PPP2R3B: variants seen among roughly 807,000 people sequenced by gnomAD.
PPP2R3B encodes protein phosphatase 2 regulatory subunit B''beta.
Under a neutral mutation model 72.9 loss-of-function variants are expected in PPP2R3B, and 68 were observed. The observed-to-expected ratio is 0.93, with a 90% confidence interval of 0.77 to 1.14. The LOEUF (loss-of-function observed/expected upper bound fraction) is 1.14, where lower values mean the gene tolerates loss of function less well. PPP2R3B is among the 50% of genes most tolerant of loss of function. The probability of loss-of-function intolerance (pLI) is 0.00; values close to 1 mark genes in which losing one functional copy is unlikely to be tolerated. For missense variants in PPP2R3B, 1,018 were observed against 842.0 expected (o/e 1.21, Z -2.59); for synonymous variants, 466 against 375.8 (o/e 1.24, Z -2.78).
In PPP2R3B at chrX:353,980, AAG is replaced by A. The variant is rs2071385662; in HGVS notation, c.511-6289_511-6288del. 2.7e-5 allele frequency among the ~76,000 whole-genome samples: 4 copies of A among 146,870 alleles called. No homozygotes were observed. In the South Asian group the frequency reaches 8.7e-4, roughly 32 times the overall value. ...TCACCCAAAGACCAGGGCTCACCCA[AAG>A]ACCAGGGCTCATCCAAAGACCGGGG... On this transcript the variant is annotated intron_variant, in intron 2 of 12. Coordinates refer to ENST00000390665, the MANE Select transcript of PPP2R3B (RefSeq NM_013239.5).
chrX:370,520 G>A (rs749752555), intron 1 of PPP2R3B, among the ~76,000 whole-genome samples: 14 of 152,296 alleles, frequency 9.2e-5, no homozygotes, highest in East Asian at 7.8e-4. Flanking sequence ...GCAACACAGC[G>A]AGGGGAGGAT....
intron 1 of PPP2R3B, among the ~76,000 whole-genome samples, chrX:371,379 C>T (rs901056164): frequency 9.9e-5 from 15 of 152,144 alleles, no homozygotes; most frequent in African/African-American, 1.7e-4. Context: ...GGTCGCTGAA[C>T]GCCCCCACCC....
rs186086855 is a variant in PPP2R3B at position 338,993 on chromosome X, C to T, written c.1352-97G>A. 5.2e-4 allele frequency: 518 copies of T among 994,110 alleles called. 4 individuals are homozygous for T. In the African/African-American group the frequency reaches 7.5e-3, roughly 14 times the overall value. The allele number at this position is 994,110 out of a possible 1,614,324, so 61.6% of individuals were successfully genotyped here. A position where few individuals can be genotyped will look rare whatever the true frequency, so the allele number is the denominator to read the frequency against. Reference sequence around the variant, plus strand: ...GCGTCCTGTCACACGTGCTTAAGGACGCGGCACGAAGCTCCGGGCTCTCAC... The same window carrying T: ...GCGTCCTGTCACACGTGCTTAAGGATGCGGCACGAAGCTCCGGGCTCTCAC... On this transcript the variant is annotated intron_variant, in intron 10 of 12. Transcript: ENST00000390665.
chrX:338,955 G>A (rs1280966739), intron 10 of PPP2R3B, 59 bp from the exon 11 acceptor site: 3 of 1,417,486 alleles, frequency 2.1e-6, no homozygotes, highest in Non-Finnish European at 3.0e-6. Flanking sequence ...CGGGGCCTGG[G>A]TGTGGGGTGC....
At position 366,729 on chromosome X, in the gene PPP2R3B, GGCGC is replaced by G. The variant is rs2071717590; in HGVS notation, c.325-5143_325-5140del. Among the ~76,000 whole-genome samples the G allele has an allele frequency of 3.0e-5, 3 of 98,754 alleles. 1 individual carries two copies. Among genetic ancestry groups the G allele is most frequent in the East Asian group, 5.1e-4 (2 of 3,916 alleles). The allele number at this position is 98,754 out of a possible 152,430, so 64.8% of individuals were successfully genotyped here. On this transcript the variant is annotated intron_variant, in intron 1 of 12. Coordinates refer to ENST00000390665, the MANE Select transcript of PPP2R3B (RefSeq NM_013239.5). ...AAACAAACGATTAACCAGGTGTGGT[GGCGC>G]ATGCCTGTAATCCCAGCTACTTGAG...
At position 338,714 on chromosome X, in the gene PPP2R3B, G is replaced by A. The variant is rs371645898; in HGVS notation, c.1471-4C>T. 1.9e-6 allele frequency: 3 copies of A among 1,611,766 alleles called. No individual in the cohort carries two copies. The highest frequency in any genetic ancestry group is 1.3e-5 in the African/African-American group (1 of 75,010). The stretch of plus-strand genomic sequence containing the variant: ...CGGGGCCGCCGCTGTCACCGTCCTG[G>A]AGGAAGCACACGGGTTACGTACACG... On this transcript the variant is annotated splice_polypyrimidine_tract_variant and splice_region_variant and intron_variant, in intron 11 of 12. Coordinates refer to ENST00000390665, the MANE Select transcript of PPP2R3B (RefSeq NM_013239.5).
At chrX:353,925 G>C (rs968731457) in intron 2 of PPP2R3B, among the ~76,000 whole-genome samples, 5 of 138,280 alleles carry the variant, frequency 3.6e-5, no homozygotes, top group African/African-American at 5.5e-5. Flanking sequence ...GCTCGCCCAG[G>C]GACCGGGGGC....
intron 1 of PPP2R3B, among the ~76,000 whole-genome samples, chrX:364,200 A>G (rs2071631895): frequency 6.6e-6 from 1 of 152,250 alleles, no homozygotes; most frequent in African/African-American, 2.4e-5. Context: ...TTCAGTGGGA[A>G]GAATGAGCTC....
chrX:368,783 C>T (rs867568324), intron 1 of PPP2R3B, among the ~76,000 whole-genome samples: 1 of 22,418 alleles, frequency 4.5e-5, no homozygotes, highest in African/African-American at 2.2e-4. Flanking sequence ...GGCACCGACA[C>T]GGGGAAGGCC....
At chrX:373,697 GCCGCGCTCTCGGGGCAGGGC>G in intron 1 of PPP2R3B, 1 of 162,650 alleles carries the variant, frequency 6.1e-6, no homozygotes, top group South Asian at 1.6e-4. Flanking sequence ...CGGGCCGGGC[GCCGCGCTCTCGGGGCAGGGC>G]CGGGCCGGGG....
At chrX:350,522 G>C (rs1161280267) in intron 2 of PPP2R3B, among the ~76,000 whole-genome samples, 1 of 150,624 alleles carries the variant, frequency 6.6e-6, no homozygotes, top group African/African-American at 2.5e-5. Flanking sequence ...GCATCAGTGA[G>C]AAAGAGGCCC....
At chrX:378,775 A>G (rs1289400154) in intron 1 of PPP2R3B, among the ~76,000 whole-genome samples, 5 of 152,044 alleles carry the variant, frequency 3.3e-5, no homozygotes, top group Non-Finnish European at 7.4e-5. Flanking sequence ...CTTCCTCCTC[A>G]CAACGAGACT....
chrX:370,605 C>T (rs894927299), intron 1 of PPP2R3B, among the ~76,000 whole-genome samples: 3 of 152,198 alleles, frequency 2.0e-5, no homozygotes, highest in Admixed American at 1.3e-4. Flanking sequence ...CGTTCCCACC[C>T]GGGCTTCTGT....
chrX:349,026 T>C (rs1250746287), intron 2 of PPP2R3B, among the ~76,000 whole-genome samples: 1 of 151,530 alleles, frequency 6.6e-6, no homozygotes, highest in Non-Finnish European at 1.5e-5. Context: ...TCGGCAATAA[T>C]AGAACAGGAA....
chrX:334,856 C>T, intron 12 of PPP2R3B: 1 of 282,776 alleles, frequency 3.5e-6, no homozygotes, highest in Non-Finnish European at 6.6e-6. Context: ...GGTGTCCACA[C>T]AGGACTGGAG....
intron 12 of PPP2R3B, chrX:337,286 T>C (rs899900898): frequency 3.3e-5 from 5 of 152,186 alleles, no homozygotes; most frequent in African/African-American, 1.2e-4. Context: ...TTCACCATGT[T>C]GGCCAGGATG....
At chrX:348,071 C>T (rs888994442) in intron 2 of PPP2R3B, among the ~76,000 whole-genome samples, 2 of 152,134 alleles carry the variant, frequency 1.3e-5, no homozygotes, top group African/African-American at 2.4e-5. Flanking sequence ...ACAGAAACAT[C>T]TCATGGAATG....
At chrX:370,873 G>A (rs1006702254) in intron 1 of PPP2R3B, among the ~76,000 whole-genome samples, 21 of 152,228 alleles carry the variant, frequency 1.4e-4, no homozygotes, top group Middle Eastern at 3.2e-3. Context: ...GGGCTGCCGC[G>A]TAGGGGACGG....
At chrX:381,593 CTTTTTTTTTTTTTTTTTT>C (rs950950107) in intron 1 of PPP2R3B, among the ~76,000 whole-genome samples, 1 of 95,058 alleles carries the variant, frequency 1.1e-5, no homozygotes, top group Non-Finnish European at 2.0e-5. Flanking sequence ...ACAAGCTCAT[CTTTTTTTTTTTTTTTTTT>C]TTTTTGAGAC....
Sources: allele counts gnomAD v4.1 joint callset (sites outside exome capture counted in the v4.1 genomes callset), GRCh38; gene constraint gnomAD v4.1.1; transcripts MANE v1.5; gene names NCBI Gene and HGNC (gene_info 2026-07-23, HGNC 2026-07-21).